TAS2R1: variants seen among roughly 807,000 people sequenced by gnomAD.
TAS2R1 encodes taste receptor type 2 member 1.
For missense variants in TAS2R1, 370 were observed against 353.4 expected, an observed-to-expected ratio of 1.05 and a Z score of -0.38; for synonymous variants, 141 against 134.2, an observed-to-expected ratio of 1.05 and a Z score of -0.35.
chr5:9,863,466 CTG>C, the TAS2R1 span, among the ~76,000 whole-genome samples: 1 of 152,100 alleles, frequency 6.6e-6, no homozygotes, highest in East Asian at 1.9e-4. Context: ...TGGGGTTTCA[CTG>C]TGTTAGCCAG....
the TAS2R1 span, among the ~76,000 whole-genome samples, chr5:9,820,512 T>C: frequency 6.6e-6 from 1 of 152,084 alleles, no homozygotes; most frequent in Non-Finnish European, 1.5e-5. Flanking sequence ...ACCAGAAAAG[T>C]TGGTTACCAA....
the TAS2R1 span, among the ~76,000 whole-genome samples, chr5:9,813,505 C>T: frequency 1.8e-4 from 27 of 152,154 alleles, no homozygotes; most frequent in Non-Finnish European, 3.2e-4. Context: ...GAAGTGGAAG[C>T]CATGTGTTGA....
At chr5:9,863,168 C>T in the TAS2R1 span, 1 of 152,150 alleles carries the variant, frequency 6.6e-6, no homozygotes, top group African/African-American at 2.4e-5. Context: ...AAACACTTCC[C>T]TCTACCACCA....
At chr5:9,787,814 G>A in the TAS2R1 span, among the ~76,000 whole-genome samples, 1 of 152,186 alleles carries the variant, frequency 6.6e-6, no homozygotes, top group Non-Finnish European at 1.5e-5. Context: ...CCCAAGCAAG[G>A]GCAAACTTCT....
chr5:9,817,587 T>G, the TAS2R1 span, among the ~76,000 whole-genome samples: 1 of 152,276 alleles, frequency 6.6e-6, no homozygotes, highest in Admixed American at 6.5e-5. Flanking sequence ...TAAAGATCAT[T>G]AAACTTTAAA....
chr5:9,643,259 C>T (rs1740121892), intron 2 of TAS2R1, among the ~76,000 whole-genome samples: 1 of 152,200 alleles, frequency 6.6e-6, no homozygotes, highest in African/African-American at 2.4e-5. Context: ...GCCTACTACA[C>T]ACTTAGGCTG....
the TAS2R1 span, among the ~76,000 whole-genome samples, chr5:9,845,598 A>C: frequency 3.3e-5 from 5 of 152,198 alleles, no homozygotes; most frequent in Non-Finnish European, 5.9e-5. Flanking sequence ...ATTGGGCCCC[A>C]AGTACTTCAG....
chr5:9,670,214 C>A (rs1489858241), intron 1 of TAS2R1, among the ~76,000 whole-genome samples: 1 of 152,094 alleles, frequency 6.6e-6, no homozygotes, highest in Admixed American at 6.6e-5. Context: ...GAAATTAAAT[C>A]CCTGAACAGA....
chr5:9,649,897 C>G (rs1162674066), intron 2 of TAS2R1, among the ~76,000 whole-genome samples: 1 of 152,026 alleles, frequency 6.6e-6, no homozygotes, highest in Non-Finnish European at 1.5e-5. Context: ...ATTACTTTTC[C>G]AAAACTGAGA....
the TAS2R1 span, among the ~76,000 whole-genome samples, chr5:9,744,289 G>A: frequency 3.5e-4 from 54 of 152,270 alleles, no homozygotes; most frequent in South Asian, 4.1e-4. Context: ...AAGCACTCCC[G>A]TTTTTAGTGT....
chr5:9,823,289 C>T, the TAS2R1 span, among the ~76,000 whole-genome samples: 3 of 152,088 alleles, frequency 2.0e-5, no homozygotes, highest in Middle Eastern at 3.2e-3. Context: ...CATTATCATT[C>T]CCCTAAAAAG....
intron 1 of TAS2R1, among the ~76,000 whole-genome samples, chr5:9,688,914 G>T (rs10039101): frequency 0.18 from 27,924 of 152,048 alleles, 2,960 homozygotes; most frequent in African/African-American, 0.29. Flanking sequence ...TTGGGGACTG[G>T]CTGCTTTGGT....
the TAS2R1 span, among the ~76,000 whole-genome samples, chr5:9,875,592 C>T: frequency 1.3e-5 from 2 of 152,178 alleles, no homozygotes; most frequent in Non-Finnish European, 2.9e-5. Flanking sequence ...TGGGTTTGGT[C>T]AGGGAGAAGG....
the TAS2R1 span, among the ~76,000 whole-genome samples, chr5:9,795,808 A>T: frequency 1.3e-5 from 2 of 152,120 alleles, no homozygotes; most frequent in African/African-American, 4.8e-5. Context: ...CAGCCCTTGA[A>T]TTTGTCTGTG....
intron 2 of TAS2R1, chr5:9,641,264 T>G (rs529527711): frequency 3.3e-5 from 5 of 152,362 alleles, no homozygotes; most frequent in Non-Finnish European, 7.3e-5. Flanking sequence ...TCTCAGATAT[T>G]CTATTACAAC....
chr5:9,721,244 C>G, the TAS2R1 span, among the ~76,000 whole-genome samples: 4 of 152,316 alleles, frequency 2.6e-5, no homozygotes, highest in Admixed American at 2.6e-4. Flanking sequence ...TTTTTACATG[C>G]ATTTGATCCC....
the TAS2R1 span, among the ~76,000 whole-genome samples, chr5:9,739,422 C>T: frequency 5.9e-3 from 903 of 152,312 alleles, 9 homozygotes; most frequent in African/African-American, 0.021. Flanking sequence ...ACCCAAACTA[C>T]ATTCCAGACT....
intron 1 of TAS2R1, among the ~76,000 whole-genome samples, chr5:9,690,361 A>T (rs924405630): frequency 5.3e-5 from 8 of 152,196 alleles, no homozygotes; most frequent in Non-Finnish European, 8.8e-5. Context: ...ATCCATGTCT[A>T]TGATGATGGC....
the TAS2R1 span, among the ~76,000 whole-genome samples, chr5:9,744,899 C>T: frequency 6.6e-6 from 1 of 152,108 alleles, no homozygotes; most frequent in African/African-American, 2.4e-5. Flanking sequence ...CTGCATTAGA[C>T]AAAGAGTATA....
Sources: allele counts gnomAD v4.1 joint callset (sites outside exome capture counted in the v4.1 genomes callset), GRCh38; gene constraint gnomAD v4.1.1; transcripts MANE v1.5; gene names NCBI Gene and HGNC (gene_info 2026-07-23, HGNC 2026-07-21).